CCDC169: variants seen among roughly 807,000 people sequenced by gnomAD.
The protein encoded by CCDC169 is coiled-coil domain containing 169.
Under a neutral mutation model 36.0 loss-of-function variants are expected in CCDC169, and 30 were observed. The observed-to-expected ratio is 0.83, with a 90% confidence interval of 0.62 to 1.13. The LOEUF is 1.13. Ranked by LOEUF, CCDC169 falls within the 50% of genes most tolerant of loss-of-function variation. The probability of loss-of-function intolerance (pLI) is 0.00; values close to 1 mark genes in which losing one functional copy is unlikely to be tolerated. For missense variants in CCDC169, 245 were observed against 245.9 expected, an observed-to-expected ratio of 1.00 and a Z score of 0.03; for synonymous variants, 85 against 81.5, an observed-to-expected ratio of 1.04 and a Z score of -0.23.
intron 4 of CCDC169, among the ~76,000 whole-genome samples, chr13:36,279,819 G>C (rs1246631927): frequency 6.6e-6 from 1 of 152,136 alleles, no homozygotes. Flanking sequence ...AAAGATCAGA[G>C]ATCATACAAC....
At chr13:36,275,104 T>G (rs1876613336) in intron 4 of CCDC169, among the ~76,000 whole-genome samples, 1 of 151,962 alleles carries the variant, frequency 6.6e-6, no homozygotes, top group African/African-American at 2.4e-5. Context: ...TATGACCTCG[T>G]GATCCGCCCG....
At chr13:36,239,342 T>C (rs1871476007) in intron 7 of CCDC169, among the ~76,000 whole-genome samples, 1 of 152,084 alleles carries the variant, frequency 6.6e-6, no homozygotes, top group Admixed American at 6.6e-5. Flanking sequence ...TGAATATATA[T>C]GTGGGTATAG....
chr13:36,232,789 G>A (rs573351934), intron 7 of CCDC169, among the ~76,000 whole-genome samples: 1 of 152,206 alleles, frequency 6.6e-6, no homozygotes, highest in East Asian at 1.9e-4. Context: ...ATCTCAGCTA[G>A]TTGGGAGGCT....
chr13:36,258,360 G>GGTA (rs1874184024), intron 4 of CCDC169, among the ~76,000 whole-genome samples: 2 of 152,112 alleles, frequency 1.3e-5, no homozygotes, highest in South Asian at 4.1e-4. Context: ...AAATAAGGCT[G>GGTA]AGACCCACTG....
chr13:36,276,337 A>C (rs9547065), intron 4 of CCDC169, among the ~76,000 whole-genome samples: 38,516 of 152,164 alleles, frequency 0.25, 5,158 homozygotes, highest in East Asian at 0.49. Flanking sequence ...ACAAACATTT[A>C]TTAAAATGTT....
chr13:36,231,050 C>T lies in CCDC169; in HGVS notation c.*143G>A, dbSNP rs2296531. The stretch of plus-strand genomic sequence containing the variant: ...ACTTTTATGCAGACAAAGGAACACA[C>T]GTCTGGAAAAGGAACTAAAGAAAAA... On this transcript the variant is annotated 3_prime_UTR_variant, in exon 8 of 8. Transcript: ENST00000239859. 3.9e-4 allele frequency: 561 copies of T among 1,421,452 alleles called. 8 individuals are homozygous for T. In the East Asian group the frequency reaches 0.011, roughly 29 times the overall value. The allele number at this position is 1,421,452 out of a possible 1,614,324, so 88.1% of individuals were successfully genotyped here.
intron 2 of CCDC169, among the ~76,000 whole-genome samples, chr13:36,291,173 A>G (rs1878842898): frequency 6.6e-6 from 1 of 152,184 alleles, no homozygotes; most frequent in African/African-American, 2.4e-5. Flanking sequence ...ATTAAAATAG[A>G]GATCACATAA....
chr13:36,224,354 G>A (rs902735544), downstream of CCDC169: 2 of 151,912 alleles, frequency 1.3e-5, no homozygotes, highest in Non-Finnish European at 2.9e-5. Flanking sequence ...CTCTCTTCAA[G>A]GATAATATGA....
intron 7 of CCDC169, chr13:36,244,540 A>G (rs991327137): frequency 2.6e-5 from 4 of 152,118 alleles, no homozygotes; most frequent in African/African-American, 9.7e-5. Context: ...GCTTGAGCCT[A>G]GTTTTCTGAG....
At chr13:36,294,829 G>T (rs1178741338) in intron 2 of CCDC169, among the ~76,000 whole-genome samples, 1 of 152,058 alleles carries the variant, frequency 6.6e-6, no homozygotes, top group Non-Finnish European at 1.5e-5. Flanking sequence ...ACAGGACAGG[G>T]ATTTTCACAG....
intron 1 of CCDC169, 57 bp downstream of exon 1, chr13:36,297,580 A>C: frequency 1.3e-6 from 2 of 1,499,224 alleles, no homozygotes; most frequent in African/African-American, 2.8e-5. Context: ...GAGACTCTGC[A>C]GGTGAAGGCT....
At position 36,230,988 on chromosome 13, in the gene CCDC169, A is replaced by G. The variant is rs1339192728; in HGVS notation, c.*205T>C. ...CTAGGATATTTTAAAACTCTCAAGC[A>G]CTTCTATTACATAGTTTAGGGTCAC... On this transcript the variant is annotated 3_prime_UTR_variant, in exon 8 of 8. Transcript: ENST00000239859. 1 of 1,309,802 alleles carries G rather than the reference A, an allele frequency of 7.6e-7. No individual in the cohort carries two copies. The highest frequency in any genetic ancestry group is 1.5e-5 in the African/African-American group (1 of 66,104). The allele number at this position is 1,309,802 out of a possible 1,614,324, so 81.1% of individuals were successfully genotyped here. A position where few individuals can be genotyped will look rare whatever the true frequency, so the allele number is the denominator to read the frequency against.
intron 4 of CCDC169, 188 bp downstream of exon 4, chr13:36,283,281 A>G: frequency 1.6e-6 from 1 of 613,436 alleles, no homozygotes. Context: ...CTGTGAATAT[A>G]GCTGGCAACT....
chr13:36,241,733 A>G (rs1871843191), intron 7 of CCDC169, among the ~76,000 whole-genome samples: 1 of 123,832 alleles, frequency 8.1e-6, no homozygotes, highest in Admixed American at 8.3e-5. Flanking sequence ...TATTTGATAT[A>G]TTACTGGAAT....
intron 4 of CCDC169, among the ~76,000 whole-genome samples, chr13:36,274,958 T>C (rs2322994): frequency 1 from 150,807 of 150,834 alleles, 75,390 homozygotes; most frequent in Non-Finnish European, 1. Context: ...AGGCTCCGCC[T>C]GCCAGGTTCA....
intron 2 of CCDC169, among the ~76,000 whole-genome samples, chr13:36,285,801 T>C (rs1258883808): frequency 1.3e-5 from 2 of 152,108 alleles, no homozygotes; most frequent in Non-Finnish European, 2.9e-5. Context: ...AGACCCAAGA[T>C]AGACACCAAA....
chr13:36,240,933 T>C (rs1042154072), intron 7 of CCDC169, among the ~76,000 whole-genome samples: 6 of 152,092 alleles, frequency 3.9e-5, no homozygotes, highest in African/African-American at 7.2e-5. Context: ...AATTGATATA[T>C]GTAAAGATCT....
At chr13:36,229,206 G>T (rs185843234), downstream of CCDC169, among the ~76,000 whole-genome samples, 6 of 152,136 alleles carry the variant, frequency 3.9e-5, no homozygotes, top group Admixed American at 2.0e-4. Context: ...GAGGATATGA[G>T]AAGTTATTTA....
chr13:36,284,535 T>C (rs1877940584), intron 2 of CCDC169, among the ~76,000 whole-genome samples: 1 of 152,230 alleles, frequency 6.6e-6, no homozygotes, highest in Non-Finnish European at 1.5e-5. Context: ...TTTAGCTATC[T>C]TCTCAGGCAT....
Sources: gnomAD v4.1 joint callset for allele counts (sites outside exome capture counted in the v4.1 genomes callset) on GRCh38, gnomAD v4.1.1 for gene constraint, MANE v1.5 for transcripts, NCBI Gene and HGNC (gene_info 2026-07-23, HGNC 2026-07-21) for gene names.